The following SLC38A12 variants were observed in gnomAD, a reference collection of about 807,000 sequenced individuals.
The protein encoded by SLC38A12 is putative sodium-coupled neutral amino acid transporter 12.
chr17:74,782,371 A>G, the SLC38A12 span, among the ~76,000 whole-genome samples: 1 of 152,094 alleles, frequency 6.6e-6, no homozygotes, highest in African/African-American at 2.4e-5. Context: ...CCCGGCCTGT[A>G]GTTGTTTTCT....
At chr17:74,819,250 G>A in the SLC38A12 span, among the ~76,000 whole-genome samples, 3 of 152,220 alleles carry the variant, frequency 2.0e-5, no homozygotes, top group African/African-American at 4.8e-5. Context: ...CTCCAAGCCC[G>A]TCAGAAGAGG....
At chr17:74,836,443 A>C in the SLC38A12 span, 61 of 1,607,884 alleles carry the variant, frequency 3.8e-5, no homozygotes, top group Non-Finnish European at 3.4e-6. The surrounding 1 kb of genome is among the most constrained non-coding windows in gnomAD (Gnocchi z 4.2). Flanking sequence ...TTCTGCACCC[A>C]CGACCTGGAG....
At chr17:74,836,990 A>G in the SLC38A12 span, 2 of 1,170,944 alleles carry the variant, frequency 1.7e-6, no homozygotes, top group Non-Finnish European at 2.1e-6. This position sits in a 1 kb window ranked among gnomAD's most constrained non-coding sequence, Gnocchi z 4.2. Flanking sequence ...AACACGCTTC[A>G]CCCCCAACCC....
chr17:74,838,978 A>G, the SLC38A12 span: 10 of 1,535,452 alleles, frequency 6.5e-6, no homozygotes, highest in Non-Finnish European at 8.7e-6. Context: ...GAAAGCTTAA[A>G]CTCAACAGCC....
the SLC38A12 span, among the ~76,000 whole-genome samples, chr17:74,788,243 T>C: frequency 3.3e-5 from 5 of 152,320 alleles, no homozygotes; most frequent in African/African-American, 9.6e-5. Context: ...ATTTGGAAAG[T>C]AAAAAGTACT....
chr17:74,797,818 ACGGCATCTTCC>A, the SLC38A12 span, among the ~76,000 whole-genome samples: 1 of 152,154 alleles, frequency 6.6e-6, no homozygotes, highest in African/African-American at 2.4e-5. Context: ...GCAAGTGATG[ACGGCATCTTCC>A]CCTCCCAAGT....
the SLC38A12 span, among the ~76,000 whole-genome samples, chr17:74,797,629 G>A: frequency 1.3e-5 from 2 of 152,190 alleles, no homozygotes; most frequent in African/African-American, 4.8e-5. Flanking sequence ...TTTGCATGTG[G>A]CTCCCAGGGT....
chr17:74,796,650 C>T, the SLC38A12 span, among the ~76,000 whole-genome samples: 4 of 152,370 alleles, frequency 2.6e-5, no homozygotes, highest in South Asian at 8.3e-4. Flanking sequence ...CTCTCTGGAG[C>T]AGTCAGCTAA....
the SLC38A12 span, among the ~76,000 whole-genome samples, chr17:74,813,125 A>C: frequency 6.6e-6 from 1 of 152,172 alleles, no homozygotes; most frequent in African/African-American, 2.4e-5. Flanking sequence ...GCCCCACTTC[A>C]GTTCCAAGCC....
chr17:74,823,877 G>A, the SLC38A12 span, among the ~76,000 whole-genome samples: 27 of 152,378 alleles, frequency 1.8e-4, no homozygotes, highest in African/African-American at 4.1e-4. Flanking sequence ...CAGTTGGATC[G>A]AGGCTTCTCC....
the SLC38A12 span, chr17:74,791,119 C>T: frequency 1.6e-6 from 2 of 1,241,896 alleles, no homozygotes; most frequent in Non-Finnish European, 2.3e-6. Flanking sequence ...AATGAGGGCT[C>T]CACCCTGACA....
the SLC38A12 span, among the ~76,000 whole-genome samples, chr17:74,818,295 C>A: frequency 2.8e-4 from 43 of 152,212 alleles, no homozygotes; most frequent in African/African-American, 8.9e-4. Flanking sequence ...TTTCCCCTCT[C>A]CTGAGTGGAA....
chr17:74,830,799 C>G, the SLC38A12 span, among the ~76,000 whole-genome samples: 16 of 152,242 alleles, frequency 1.1e-4, no homozygotes, highest in Non-Finnish European at 4.4e-5. Context: ...TGCCTTCGCT[C>G]TGTCTTCCTC....
chr17:74,830,250 C>T, the SLC38A12 span, among the ~76,000 whole-genome samples: 1 of 152,212 alleles, frequency 6.6e-6, no homozygotes, highest in Non-Finnish European at 1.5e-5. Context: ...TTTCCCCAGG[C>T]CCCCAGGGTG....
At chr17:74,780,671 A>G in the SLC38A12 span, among the ~76,000 whole-genome samples, 1 of 152,126 alleles carries the variant, frequency 6.6e-6, no homozygotes, top group Non-Finnish European at 1.5e-5. Flanking sequence ...GCCATCACTG[A>G]TTACCTTTAC....
the SLC38A12 span, among the ~76,000 whole-genome samples, chr17:74,786,359 C>T: frequency 1.0e-4 from 15 of 150,612 alleles, no homozygotes; most frequent in Non-Finnish European, 1.8e-4. Flanking sequence ...CCTGGAAACA[C>T]CTCCCCTGAG....
the SLC38A12 span, among the ~76,000 whole-genome samples, chr17:74,826,608 G>A: frequency 2.6e-4 from 40 of 152,250 alleles, no homozygotes; most frequent in African/African-American, 8.2e-4. Context: ...CCAGACCCAG[G>A]GCCAAGATGC....
At chr17:74,798,911 C>T in the SLC38A12 span, among the ~76,000 whole-genome samples, 1 of 152,226 alleles carries the variant, frequency 6.6e-6, no homozygotes, top group Admixed American at 6.5e-5. Flanking sequence ...CATTTCATTC[C>T]TTCCTCTACA....
the SLC38A12 span, chr17:74,790,804 A>G: frequency 4.8e-6 from 3 of 621,166 alleles, no homozygotes; most frequent in Non-Finnish European, 8.3e-6. Flanking sequence ...ACTGTGTTAA[A>G]CCATGTCAAG....
Sources: allele counts gnomAD v4.1 joint callset (sites outside exome capture counted in the v4.1 genomes callset), GRCh38; gene constraint gnomAD v4.1.1; non-coding constraint Gnocchi (gnomAD v3.1); transcripts MANE v1.5; gene names NCBI Gene and HGNC (gene_info 2026-07-23, HGNC 2026-07-21).